The following MMP16 variants were observed in gnomAD, a reference collection of about 807,000 sequenced individuals.
The protein encoded by MMP16 is matrix metallopeptidase 16, also known as matrix metalloproteinase-16.
MMP16 carries 12 observed loss-of-function variants against 67.8 expected under a neutral mutation model. That is an observed-to-expected ratio of 0.18 (90% CI 0.11 to 0.29). The LOEUF is 0.29. Ranked by LOEUF, MMP16 falls within the 10% of genes least tolerant of loss-of-function variation. The probability of loss-of-function intolerance (pLI) is 1.00; values close to 1 mark genes in which losing one functional copy is unlikely to be tolerated. For missense variants in MMP16, 475 were observed against 765.7 expected (o/e 0.62, Z 4.48); for synonymous variants, 249 against 255.9 (o/e 0.97, Z 0.26).
In MMP16 at chr8:88,326,592, T is replaced by C. The variant is rs891065664; in HGVS notation, c.132+483A>G. On this transcript the variant is annotated intron_variant, in intron 1 of 9. Coordinates refer to ENST00000286614, the MANE Select transcript of MMP16 (RefSeq NM_005941.5). Reference sequence around the variant, plus strand: ...CAAGTGTTTTATCACAAAGTAATGTTATTAAACACATCTAGTGTTCCCACG... The same window carrying C: ...CAAGTGTTTTATCACAAAGTAATGTCATTAAACACATCTAGTGTTCCCACG... Among the ~76,000 whole-genome samples the C allele has an allele frequency of 1.1e-4, 17 of 152,192 alleles. 1 individual carries two copies. Among genetic ancestry groups the C allele is most frequent in the Admixed American group, 7.9e-4 (12 of 15,282 alleles).
At chr8:88,318,995 G>C (rs56074617) in intron 1 of MMP16, among the ~76,000 whole-genome samples, 7,194 of 152,064 alleles carry the variant, frequency 0.047, 187 homozygotes, top group South Asian at 0.062. Context: ...GAGACTGCTT[G>C]GCAGTGTCTG....
chr8:88,266,562 C>T (rs1027625433), intron 1 of MMP16, among the ~76,000 whole-genome samples: 16 of 152,172 alleles, frequency 1.1e-4, no homozygotes, highest in Admixed American at 1.0e-3. Flanking sequence ...TGGCATTGTA[C>T]TTCCACCCAT....
At chr8:88,115,944 ATTAG>A (rs958891103) in intron 6 of MMP16, among the ~76,000 whole-genome samples, 1 of 152,150 alleles carries the variant, frequency 6.6e-6, no homozygotes, top group African/African-American at 2.4e-5. Flanking sequence ...AATAATATAA[ATTAG>A]TTAGATATAA....
intron 1 of MMP16, among the ~76,000 whole-genome samples, chr8:88,220,110 C>T (rs1809655101): frequency 3.9e-5 from 6 of 152,098 alleles, no homozygotes; most frequent in Admixed American, 3.3e-4. Context: ...TGATGATTTA[C>T]TTCAGAATCA....
chr8:88,310,877 C>G (rs573436637), intron 1 of MMP16, among the ~76,000 whole-genome samples: 8 of 152,038 alleles, frequency 5.3e-5, no homozygotes, highest in Non-Finnish European at 8.8e-5. Context: ...GACCAAAACT[C>G]AAAGGCACAA....
At chr8:88,189,435 C>T (rs994705845) in intron 2 of MMP16, among the ~76,000 whole-genome samples, 1 of 152,090 alleles carries the variant, frequency 6.6e-6, no homozygotes, top group African/African-American at 2.4e-5. Flanking sequence ...CAGGTATAAC[C>T]CTCCACTACT....
At chr8:88,196,024 C>A (rs556448963) in intron 2 of MMP16, among the ~76,000 whole-genome samples, 31 of 152,094 alleles carry the variant, frequency 2.0e-4, no homozygotes, top group Non-Finnish European at 4.3e-4. Context: ...CTAGATAATC[C>A]AGGTATTTAA....
intron 1 of MMP16, among the ~76,000 whole-genome samples, chr8:88,264,197 C>T (rs1032405677): frequency 5.3e-5 from 8 of 151,930 alleles, no homozygotes; most frequent in Non-Finnish European, 1.0e-4. Flanking sequence ...CACATACACA[C>T]ACACACACAT....
At chr8:88,313,336 C>T (rs1441347938) in intron 1 of MMP16, among the ~76,000 whole-genome samples, 5 of 152,140 alleles carry the variant, frequency 3.3e-5, no homozygotes, top group Non-Finnish European at 7.4e-5. Context: ...TCAATATGTA[C>T]AGAATCTTAG....
In MMP16 at chr8:88,213,689, A is replaced by C. The variant is rs181996344; in HGVS notation, c.133-16383T>G. On this transcript the variant is annotated intron_variant, in intron 1 of 9. Transcript: ENST00000286614. ...CCCAGTCCTAGATGCTATTTTCCCC[A>C]TGAGCTTTCTGAGCCTATGGCCCTG... is the stretch of plus-strand genomic sequence containing the variant. Among the ~76,000 whole-genome samples the C allele has an allele frequency of 6.2e-4, 95 of 152,286 alleles. No homozygotes were observed. In the East Asian group the frequency reaches 9.7e-3, roughly 15 times the overall value.
chr8:88,178,011 G>GA (rs966527122), intron 3 of MMP16, among the ~76,000 whole-genome samples: 17 of 143,416 alleles, frequency 1.2e-4, no homozygotes, highest in South Asian at 2.2e-4. Context: ...AGGAGACAAA[G>GA]AAAAAAAAAA....
chr8:88,213,009 T>C (rs371320147), intron 1 of MMP16, among the ~76,000 whole-genome samples: 1 of 152,176 alleles, frequency 6.6e-6, no homozygotes, highest in African/African-American at 2.4e-5. Context: ...AAGGATTTAG[T>C]AAATATGAAA....
intron 4 of MMP16, among the ~76,000 whole-genome samples, chr8:88,149,111 G>T (rs1808348862): frequency 6.6e-6 from 1 of 152,220 alleles, no homozygotes; most frequent in Non-Finnish European, 1.5e-5. Context: ...GACGCACCTG[G>T]AAAATCGGGT....
At position 88,082,491 on chromosome 8, in the gene MMP16, A is replaced by G. The variant is rs1296370370; in HGVS notation, c.1084-7748T>C. On this transcript the variant is annotated intron_variant, in intron 6 of 9. Coordinates refer to ENST00000286614, the MANE Select transcript of MMP16 (RefSeq NM_005941.5). Reference sequence around the variant, plus strand: ...ACATTACAAAATCATATGATATACTATAATAGAAGTAAATTTTTGCAAGGT... The same window carrying G: ...ACATTACAAAATCATATGATATACTGTAATAGAAGTAAATTTTTGCAAGGT... 2.6e-5 allele frequency among the ~76,000 whole-genome samples: 4 copies of G among 152,124 alleles called. No homozygotes were observed. In the East Asian group the frequency reaches 7.7e-4, roughly 29 times the overall value.
rs1332718943 is a variant in MMP16, at chr8:88,033,572, A to C, written c.*7889T>G. ...TGTTTTTGTTTAAAAAGTTAAGTTTATTAAAAGTTATATTAGCGCAAAATT... is the reference window on the plus strand; with the variant it reads ...TGTTTTTGTTTAAAAAGTTAAGTTTCTTAAAAGTTATATTAGCGCAAAATT... On this transcript the variant is annotated 3_prime_UTR_variant, in exon 10 of 10. Coordinates refer to ENST00000286614, the MANE Select transcript of MMP16 (RefSeq NM_005941.5). 1 of 151,974 alleles carries C rather than the reference A, an allele frequency of 6.6e-6. No homozygotes were observed. Among genetic ancestry groups the C allele is most frequent in the African/African-American group, 2.4e-5 (1 of 41,450 alleles). 9.4% of individuals were successfully genotyped at this position (151,974 alleles called of 1,614,324 possible). A position where few individuals can be genotyped will look rare whatever the true frequency, so the allele number is the denominator to read the frequency against.
intron 1 of MMP16, among the ~76,000 whole-genome samples, chr8:88,274,317 G>T (rs1810611840): frequency 1.3e-5 from 2 of 152,034 alleles, no homozygotes; most frequent in Admixed American, 1.3e-4. Flanking sequence ...CTAAGGGAGG[G>T]ATTATAATGT....
At chr8:88,264,367 T>G (rs1392479087) in intron 1 of MMP16, among the ~76,000 whole-genome samples, 4 of 152,076 alleles carry the variant, frequency 2.6e-5, no homozygotes, top group Admixed American at 6.6e-5. Context: ...ACCCGGCTGA[T>G]TTTTAAAAAT....
At position 88,116,596 on chromosome 8, in the gene MMP16, T is replaced by G; in HGVS notation, c.994A>C (p.Arg332=). 6.2e-7 allele frequency: 1 copy of G among 1,613,828 alleles called. No homozygotes were observed. The highest frequency in any genetic ancestry group is 1.1e-5 in the South Asian group (1 of 91,080). ...RPKPPRPPTG[R]PSYPGAKPNI... ...GGTTTGGCTCCGGGATAGGAGGGTC[T>G]GCCGGTTGGAGGCCGAGGAGGTTTT... Residue 332 remains arginine, a synonymous_variant, in exon 6 of 10, where the codon AGA becomes CGA. Transcript: ENST00000286614.
At chr8:88,074,872 G>A in intron 6 of MMP16, 129 bp from the exon 7 acceptor site, 2 of 1,214,292 alleles carry the variant, frequency 1.6e-6, no homozygotes, top group Non-Finnish European at 1.1e-6. Flanking sequence ...ATCAGTCAGA[G>A]AAAGAGCTAA....
Sources: gnomAD v4.1 joint callset for allele counts (sites outside exome capture counted in the v4.1 genomes callset) on GRCh38, gnomAD v4.1.1 for gene constraint, MANE v1.5 for transcripts, NCBI Gene and HGNC (gene_info 2026-07-23, HGNC 2026-07-21) for gene names.